The following ADAM12 variants were observed in gnomAD, a reference collection of about 807,000 sequenced individuals.
ADAM12 encodes the protein ADAM metallopeptidase domain 12, also known as disintegrin and metalloproteinase domain-containing protein 12.
ADAM12 carries 70 observed loss-of-function variants against 106.4 expected under a neutral mutation model. That is an observed-to-expected ratio of 0.66 (90% CI 0.54 to 0.80). The LOEUF (loss-of-function observed/expected upper bound fraction) is 0.80. Ranked by LOEUF, ADAM12 falls within the 30% of genes least tolerant of loss-of-function variation. The probability of loss-of-function intolerance (pLI) is 0.00; values close to 1 mark genes in which losing one functional copy is unlikely to be tolerated. For synonymous variants in ADAM12, 420 were observed against 433.5 expected, an observed-to-expected ratio of 0.97 and a Z score of 0.39; for missense variants, 1,010 against 1,171.9, an observed-to-expected ratio of 0.86 and a Z score of 2.02.
intron 3 of ADAM12, among the ~76,000 whole-genome samples, chr10:126,157,032 T>TGG (rs1180746481): frequency 2.6e-4 from 39 of 151,348 alleles, no homozygotes; most frequent in African/African-American, 9.0e-4. Context: ...TGTGTGTGTG[T>TGG]GGGGGGGTGC....
At chr10:126,352,003 G>A (rs969270590) in intron 1 of ADAM12, among the ~76,000 whole-genome samples, 15 of 152,214 alleles carry the variant, frequency 9.9e-5, no homozygotes, top group South Asian at 4.1e-4. Context: ...GAAGACCTCC[G>A]GCCTCAAGCC....
chr10:126,374,596 C>A (rs1856214609), intron 1 of ADAM12, among the ~76,000 whole-genome samples: 1 of 152,008 alleles, frequency 6.6e-6, no homozygotes. Flanking sequence ...GTTTAAACAG[C>A]ATTTAGACAC....
chr10:126,226,439 A>G (rs569022127), intron 3 of ADAM12, among the ~76,000 whole-genome samples: 60 of 152,306 alleles, frequency 3.9e-4, no homozygotes, highest in African/African-American at 1.4e-3. Context: ...TGAAGGCAAC[A>G]TGGGCACAGC....
intron 2 of ADAM12, 29 bp from the exon 3 acceptor site, chr10:126,279,017 A>C (rs377206175): frequency 2.2e-5 from 34 of 1,575,004 alleles, no homozygotes; most frequent in African/African-American, 1.3e-5. Context: ...AAGTCAGTTG[A>C]AAAACGCTTG....
intron 14 of ADAM12, among the ~76,000 whole-genome samples, chr10:126,057,377 T>TA (rs145604455): frequency 0.59 from 26,791 of 45,756 alleles, 11,641 homozygotes; most frequent in East Asian, 0.93. Flanking sequence ...AAAAAAAAAT[T>TA]AAAAAACAAA....
intron 1 of ADAM12, among the ~76,000 whole-genome samples, chr10:126,332,383 C>A (rs912363520): frequency 5.6e-4 from 86 of 152,318 alleles, no homozygotes; most frequent in African/African-American, 1.9e-3. Context: ...GAAAACTGCC[C>A]TCAGGACTTG....
At chr10:126,291,835 A>G (rs544485987) in intron 2 of ADAM12, among the ~76,000 whole-genome samples, 1 of 152,272 alleles carries the variant, frequency 6.6e-6, no homozygotes, top group East Asian at 1.9e-4. Flanking sequence ...CCTTGGAGCC[A>G]CCACGTTAAC....
chr10:126,189,228 A>C (rs1957452977), intron 3 of ADAM12, among the ~76,000 whole-genome samples: 1 of 152,214 alleles, frequency 6.6e-6, no homozygotes, highest in South Asian at 2.1e-4. Context: ...TAGAAAACCG[A>C]GCAAGGTGTT....
intron 2 of ADAM12, among the ~76,000 whole-genome samples, chr10:126,295,546 CAT>C (rs1395470989): frequency 1.3e-3 from 195 of 145,634 alleles, no homozygotes; most frequent in African/African-American, 5.0e-3. Flanking sequence ...CACACACACA[CAT>C]ACACACACAC....
intron 14 of ADAM12, among the ~76,000 whole-genome samples, chr10:126,057,884 C>T (rs141783892): frequency 6.6e-6 from 1 of 152,360 alleles, no homozygotes; most frequent in African/African-American, 2.4e-5. Flanking sequence ...AACATTTTCC[C>T]CATGGGAAAT....
rs146201608 is a variant in ADAM12 at position 126,180,521 on chromosome 10, C to T, written c.261-25216G>A. On this transcript the variant is annotated intron_variant, in intron 3 of 22. Transcript: ENST00000448723. ...AACGAAGACAGTACGAGAAACCTGA[C>T]TGTAAAAGGTAAGCTTGATAATTCC... Among the ~76,000 whole-genome samples, 319 of 152,244 alleles carry T rather than the reference C, an allele frequency of 2.1e-3. 2 individuals are homozygous for T. Among genetic ancestry groups the T allele is most frequent in the African/African-American group, 7.4e-3 (309 of 41,522 alleles).
chr10:126,167,076 C>T (rs746536116), intron 3 of ADAM12, among the ~76,000 whole-genome samples: 81 of 152,190 alleles, frequency 5.3e-4, no homozygotes, highest in Non-Finnish European at 1.1e-3. Context: ...TTTCAGAAAA[C>T]AAGAGTTGGC....
chr10:126,261,395 A>G (rs1958998522), intron 3 of ADAM12, among the ~76,000 whole-genome samples: 1 of 152,206 alleles, frequency 6.6e-6, no homozygotes, highest in Non-Finnish European at 1.5e-5. Context: ...AGCAAAAATT[A>G]CTGAATTTTT....
At chr10:126,361,101 C>G (rs747972673) in intron 1 of ADAM12, among the ~76,000 whole-genome samples, 6 of 152,148 alleles carry the variant, frequency 3.9e-5, no homozygotes, top group Non-Finnish European at 5.9e-5. Flanking sequence ...ATTCAATTAC[C>G]TCCCACCAGG....
rs1856595562 is a variant in ADAM12 at position 126,384,575 on chromosome 10, AG to A, written c.88+3482del. On this transcript the variant is annotated intron_variant, in intron 1 of 22. Transcript: ENST00000448723. ...TTGGAACAGGAGGATGAGGGGCTCTAGGAAAGATGACATCAGGAAAAAAAAA... is the reference window on the plus strand; with the variant it reads ...TTGGAACAGGAGGATGAGGGGCTCTAGAAAGATGACATCAGGAAAAAAAAA... Among the ~76,000 whole-genome samples, 4 of 152,226 alleles carry A rather than the reference AG, an allele frequency of 2.6e-5. No homozygotes were observed. The South Asian group carries it at 8.3e-4, about 32-fold the overall frequency.
intron 3 of ADAM12, among the ~76,000 whole-genome samples, chr10:126,247,117 T>TC (rs1385382195): frequency 1.3e-5 from 2 of 152,220 alleles, no homozygotes; most frequent in African/African-American, 4.8e-5. Context: ...ATTCCAATTA[T>TC]CCTGTAAAGT....
intron 1 of ADAM12, among the ~76,000 whole-genome samples, chr10:126,339,823 G>A (rs1854853245): frequency 6.8e-6 from 1 of 147,064 alleles, no homozygotes; most frequent in Non-Finnish European, 1.5e-5. Flanking sequence ...TTTTATTTGA[G>A]TGAAGTGGGA....
chr10:126,291,996 G>A (rs114520277), intron 2 of ADAM12, among the ~76,000 whole-genome samples: 3,313 of 150,376 alleles, frequency 0.022, 116 homozygotes, highest in African/African-American at 0.076. Context: ...TTTTCCCGTT[G>A]AAACATTAGA....
At chr10:126,042,655 G>C (rs1041101464) in intron 18 of ADAM12, among the ~76,000 whole-genome samples, 1 of 152,220 alleles carries the variant, frequency 6.6e-6, no homozygotes, top group Admixed American at 6.5e-5. Context: ...TTTCCAGTAA[G>C]ATTTTTAAAA....
Sources: allele counts gnomAD v4.1 joint callset (sites outside exome capture counted in the v4.1 genomes callset), GRCh38; gene constraint gnomAD v4.1.1; transcripts MANE v1.5; gene names NCBI Gene and HGNC (gene_info 2026-07-23, HGNC 2026-07-21).